Variants in FRMD3 observed in about 807,000 individuals in gnomAD.
FRMD3 encodes FERM domain containing 3.
Under a neutral mutation model 70.2 loss-of-function variants are expected in FRMD3, and 33 were observed. That is an observed-to-expected ratio of 0.47 (90% confidence interval 0.36 to 0.63). The LOEUF is 0.63. Ranked by LOEUF, FRMD3 falls within the 20% of genes least tolerant of loss-of-function variation. The probability of loss-of-function intolerance (pLI) is 0.00; values close to 1 mark genes in which losing one functional copy is unlikely to be tolerated. For missense variants in FRMD3, 632 were observed against 711.4 expected (o/e 0.89, Z 1.27); for synonymous variants, 279 against 255.9 (o/e 1.09, Z -0.86).
At chr9:83,370,879 A>G (rs1824949504) in intron 3 of FRMD3, among the ~76,000 whole-genome samples, 1 of 152,180 alleles carries the variant, frequency 6.6e-6, no homozygotes, top group Admixed American at 6.5e-5. Context: ...CCACTGCACT[A>G]AAGCCTGGTG....
At chr9:83,494,934 A>C (rs1288737298) in intron 1 of FRMD3, among the ~76,000 whole-genome samples, 1 of 152,080 alleles carries the variant, frequency 6.6e-6, no homozygotes, top group Non-Finnish European at 1.5e-5. Flanking sequence ...TGTATACCCT[A>C]CTTTAATAAA....
At chr9:83,387,525 C>G (rs1369209522) in intron 2 of FRMD3, among the ~76,000 whole-genome samples, 1 of 152,186 alleles carries the variant, frequency 6.6e-6, no homozygotes, top group East Asian at 1.9e-4. Context: ...AGAATTACGT[C>G]TGCAGGCTGG....
intron 1 of FRMD3, among the ~76,000 whole-genome samples, chr9:83,522,902 C>T (rs923706292): frequency 6.6e-6 from 1 of 152,118 alleles, no homozygotes; most frequent in Non-Finnish European, 1.5e-5. Flanking sequence ...AGGAGAGCCA[C>T]TAGAGGTTAA....
At chr9:83,311,304 A>C (rs1006790424) in intron 8 of FRMD3, among the ~76,000 whole-genome samples, 2 of 147,888 alleles carry the variant, frequency 1.4e-5, no homozygotes, top group Non-Finnish European at 3.0e-5. Flanking sequence ...AAAAAAAAAA[A>C]CAGAGACCTA....
chr9:83,538,091 G>A lies in FRMD3; in HGVS notation c.141C>T (p.His47=), dbSNP rs1475944158. The stretch of plus-strand genomic sequence containing the variant: ...CGCCCGGTTCCACGCGCACCTGGAT[G>A]TGGCAGGAGATCTCCGAGTCGTCCA... ...RLLDDSEISC[H]IQRETKGQFL... is the part of the protein sequence containing the mutation. The change falls in exon 1 of 14, where the codon CAC becomes CAT. Residue 47 remains histidine, a synonymous_variant. Transcript: ENST00000304195. This position sits in a 1 kb window ranked among gnomAD's most constrained non-coding sequence, Gnocchi z 4.7. 10 of 1,612,624 alleles carry A rather than the reference G, an allele frequency of 6.2e-6. No homozygotes were observed. Among genetic ancestry groups the A allele is most frequent in the South Asian group, 3.3e-5 (3 of 91,036 alleles).
At chr9:83,272,016 T>C (rs1055144169) in intron 13 of FRMD3, among the ~76,000 whole-genome samples, 2 of 152,180 alleles carry the variant, frequency 1.3e-5, no homozygotes, top group African/African-American at 4.8e-5. Context: ...ACAAGCATGA[T>C]TGTGACTCAA....
chr9:83,363,806 G>A (rs1048448939), intron 3 of FRMD3, among the ~76,000 whole-genome samples: 1 of 152,014 alleles, frequency 6.6e-6, no homozygotes, highest in African/African-American at 2.4e-5. Flanking sequence ...CGCCCACCTT[G>A]GCCTCCCAAA....
At chr9:83,431,782 A>G (rs765884869) in intron 1 of FRMD3, among the ~76,000 whole-genome samples, 1 of 151,726 alleles carries the variant, frequency 6.6e-6, no homozygotes, top group Non-Finnish European at 1.5e-5. Flanking sequence ...ACTTGGTGTT[A>G]TTTTTCCATA....
At chr9:83,263,092 T>TA (rs971553118) in intron 13 of FRMD3, among the ~76,000 whole-genome samples, 1 of 152,190 alleles carries the variant, frequency 6.6e-6, no homozygotes, top group Non-Finnish European at 1.5e-5. Flanking sequence ...GACATTGTTG[T>TA]AACTGAAAGA....
rs1392243243 is a variant in FRMD3, at chr9:83,290,740, A to G, written c.1071-13T>C. The G allele has an allele frequency of 2.5e-6, 4 of 1,596,026 alleles. No individual in the cohort carries two copies. In the East Asian group the frequency reaches 6.7e-5, roughly 27 times the overall value. ...AGTAATGTTGGCTCTGAAAACAGAC[A>G]CAAGCCAGACAGAGTTGGTTTCCAT... On this transcript the variant is annotated splice_polypyrimidine_tract_variant and intron_variant, in intron 12 of 13. Transcript: ENST00000304195.
the FRMD3 span, among the ~76,000 whole-genome samples, chr9:83,583,937 C>T: frequency 2.2e-4 from 33 of 152,298 alleles, no homozygotes; most frequent in Non-Finnish European, 3.8e-4. Context: ...CCCACCTGAT[C>T]CTGGTTTTCC....
intron 1 of FRMD3, among the ~76,000 whole-genome samples, chr9:83,531,957 T>G (rs1332604290): frequency 6.6e-6 from 1 of 152,218 alleles, no homozygotes; most frequent in Non-Finnish European, 1.5e-5. Context: ...TGATGGAGTT[T>G]AGGCTTAAAG....
At chr9:83,479,850 G>A (rs559035733) in intron 1 of FRMD3, among the ~76,000 whole-genome samples, 2 of 151,354 alleles carry the variant, frequency 1.3e-5, no homozygotes, top group Non-Finnish European at 2.9e-5. Context: ...AAAGCTAATC[G>A]CAATCAGTAG....
Position 83,407,878 on chromosome 9 carries a change from T to TTCTCTCTC in FRMD3, c.148-18178_148-18171dup, listed in dbSNP as rs147066768. 3.1e-3 allele frequency among the ~76,000 whole-genome samples: 277 copies of TTCTCTCTC among 89,064 alleles called. 3 individuals are homozygous for TTCTCTCTC. The highest frequency in any genetic ancestry group is 0.01 in the African/African-American group (201 of 19,222). The allele number at this position is 89,064 out of a possible 152,430, so 58.4% of individuals were successfully genotyped here. ...CTCTCTCTCTCTCTCTCTCTCATCTTTCTCTCTCTCTCTCTCTCTCTCTCT... is the reference window on the plus strand; with the variant it reads ...CTCTCTCTCTCTCTCTCTCTCATCTTTCTCTCTCTCTCTCTCTCTCTCTCTCTCTCTCT... On this transcript the variant is annotated intron_variant, in intron 1 of 13. Transcript: ENST00000304195.
intron 1 of FRMD3, among the ~76,000 whole-genome samples, chr9:83,534,757 G>A (rs977755535): frequency 6.6e-6 from 1 of 152,156 alleles, no homozygotes; most frequent in African/African-American, 2.4e-5. Flanking sequence ...CCATGTTTCT[G>A]GGGGGTGGAA....
At chr9:83,298,559 C>G (rs1391884163) in intron 12 of FRMD3, among the ~76,000 whole-genome samples, 189 bp downstream of exon 12, 1 of 152,234 alleles carries the variant, frequency 6.6e-6, no homozygotes, top group Admixed American at 6.5e-5. Context: ...CTCCTGAGAG[C>G]ACATAACTCA....
intron 4 of FRMD3, among the ~76,000 whole-genome samples, chr9:83,345,667 G>A (rs923447220): frequency 1.6e-4 from 24 of 152,090 alleles, no homozygotes; most frequent in Non-Finnish European, 2.6e-4. Context: ...TGAGGCAGGA[G>A]AATCACTTGA....
At chr9:83,337,965 G>A (rs1823632852) in intron 5 of FRMD3, among the ~76,000 whole-genome samples, 1 of 152,154 alleles carries the variant, frequency 6.6e-6, no homozygotes, top group Non-Finnish European at 1.5e-5. Context: ...CAGAGTCAAA[G>A]TAATAGAGAG....
chr9:83,471,996 A>C (rs1324007054), intron 1 of FRMD3, among the ~76,000 whole-genome samples: 1 of 152,210 alleles, frequency 6.6e-6, no homozygotes, highest in Non-Finnish European at 1.5e-5. Context: ...TGAGAATACA[A>C]GCAAATCACC....
Sources: allele counts gnomAD v4.1 joint callset (sites outside exome capture counted in the v4.1 genomes callset), GRCh38; gene constraint gnomAD v4.1.1; non-coding constraint Gnocchi (gnomAD v3.1); transcripts MANE v1.5; gene names NCBI Gene and HGNC (gene_info 2026-07-23, HGNC 2026-07-21).